The following RARB variants were observed in gnomAD, a reference collection of about 807,000 sequenced individuals.
The protein encoded by RARB is HBV-activated protein.
Under a neutral mutation model 51.9 loss-of-function variants are expected in RARB, and 17 were observed. The observed-to-expected ratio is 0.33, with a 90% confidence interval of 0.22 to 0.49. The LOEUF is 0.49. Among genes scored for constraint, RARB ranks in the 20% least tolerant of loss-of-function variants. The pLI is 0.99. For synonymous variants in RARB, 215 were observed against 195.4 expected (o/e 1.10, Z -0.84); for missense variants, 369 against 550.8 (o/e 0.67, Z 3.30).
At chr3:25,463,477 A>G (rs1442925943) in intron 2 of RARB, among the ~76,000 whole-genome samples, 1 of 152,112 alleles carries the variant, frequency 6.6e-6, no homozygotes, top group African/African-American at 2.4e-5. Context: ...ATTCTGGCCA[A>G]AATGGTGAAA....
At chr3:25,054,007 G>T (rs1215709714) in intron 2 of RARB, among the ~76,000 whole-genome samples, 1 of 152,160 alleles carries the variant, frequency 6.6e-6, no homozygotes, top group Admixed American at 6.5e-5. Context: ...GCAGGTCATT[G>T]TCCTTGCTCT....
chr3:25,063,775 A>C (rs13327067), intron 3 of RARB, among the ~76,000 whole-genome samples: 15,454 of 151,442 alleles, frequency 0.1, 862 homozygotes, highest in African/African-American at 0.15. Flanking sequence ...GCACAGGGTT[A>C]CCACGGGTTA....
intron 5 of RARB, among the ~76,000 whole-genome samples, chr3:25,312,996 T>A (rs1340641488): frequency 1.3e-5 from 2 of 152,256 alleles, no homozygotes; most frequent in Non-Finnish European, 2.9e-5. Flanking sequence ...TCTTCAAGTC[T>A]GGAGGCAGCA....
At position 25,319,824 on chromosome 3, in the gene RARB, T is replaced by G. The variant is rs186739007; in HGVS notation, c.179-141369T>G. 3.3e-5 allele frequency among the ~76,000 whole-genome samples: 5 copies of G among 152,296 alleles called. No individual in the cohort carries two copies. In the East Asian group the frequency reaches 9.7e-4, roughly 29 times the overall value. On this transcript the variant is annotated intron_variant, in intron 5 of 11. Transcript: ENST00000383772. Reference sequence around the variant, plus strand: ...TACTGTGTGAGTTGCAGACAGACATTTATTGATTCAGGATATACTCTCAGT... The same window carrying G: ...TACTGTGTGAGTTGCAGACAGACATGTATTGATTCAGGATATACTCTCAGT...
intron 2 of RARB, among the ~76,000 whole-genome samples, chr3:25,468,620 GT>G (rs1695550519): frequency 6.6e-6 from 1 of 152,030 alleles, no homozygotes; most frequent in Non-Finnish European, 1.5e-5. Context: ...GTGTGTTATG[GT>G]CTAGAGTGGG....
At chr3:25,446,423 A>G (rs6795711) in intron 1 of RARB, among the ~76,000 whole-genome samples, 11,405 of 152,306 alleles carry the variant, frequency 0.075, 601 homozygotes, top group East Asian at 0.29. Flanking sequence ...GCAGAGTTGA[A>G]TGACTGTGAC....
intron 2 of RARB, among the ~76,000 whole-genome samples, chr3:24,896,812 C>T (rs1253634334): frequency 1.3e-5 from 2 of 152,114 alleles, no homozygotes; most frequent in Non-Finnish European, 2.9e-5. Flanking sequence ...GTATAGTCTC[C>T]TACAATGGAA....
At chr3:25,158,538 G>A (rs1259190858) in intron 4 of RARB, among the ~76,000 whole-genome samples, 2 of 151,858 alleles carry the variant, frequency 1.3e-5, no homozygotes, top group Non-Finnish European at 2.9e-5. Context: ...GGGGGGAGGT[G>A]GTAACTCTTC....
At chr3:25,212,566 T>C (rs945783797) in intron 5 of RARB, among the ~76,000 whole-genome samples, 1 of 152,184 alleles carries the variant, frequency 6.6e-6, no homozygotes, top group Admixed American at 6.5e-5. Flanking sequence ...TGCAGTGAGC[T>C]GAGATCGCAC....
At chr3:24,889,794 A>G (rs1703342592) in intron 2 of RARB, among the ~76,000 whole-genome samples, 1 of 151,622 alleles carries the variant, frequency 6.6e-6, no homozygotes, top group Admixed American at 6.6e-5. Context: ...ATACTTTGAA[A>G]TGTGGTCCAA....
intron 2 of RARB, among the ~76,000 whole-genome samples, chr3:24,867,257 T>C (rs1301949670): frequency 2.0e-5 from 3 of 152,166 alleles, no homozygotes; most frequent in African/African-American, 7.2e-5. Context: ...GGAGGGGCTA[T>C]TATCATTTAA....
chr3:25,069,837 G>A (rs1336622641), intron 3 of RARB, among the ~76,000 whole-genome samples: 1 of 152,178 alleles, frequency 6.6e-6, no homozygotes, highest in African/African-American at 2.4e-5. Flanking sequence ...ACATTATGTG[G>A]TGTGGCCTCC....
chr3:24,914,095 A>G (rs1450766478), intron 2 of RARB, among the ~76,000 whole-genome samples: 1 of 152,248 alleles, frequency 6.6e-6, no homozygotes, highest in African/African-American at 2.4e-5. Context: ...AAGCAGCATT[A>G]GAAAGAGAAA....
chr3:25,472,139 A>T (rs556861706), intron 2 of RARB, among the ~76,000 whole-genome samples: 1 of 152,370 alleles, frequency 6.6e-6, no homozygotes, highest in South Asian at 2.1e-4. Flanking sequence ...AGTAAAAGTA[A>T]ACCCCCACAA....
chr3:25,179,677 TA>T (rs918089739), intron 5 of RARB, among the ~76,000 whole-genome samples: 5 of 152,210 alleles, frequency 3.3e-5, no homozygotes, highest in Non-Finnish European at 7.3e-5. Flanking sequence ...AAATAGAGTT[TA>T]TACTGTTGAC....
intron 5 of RARB, among the ~76,000 whole-genome samples, chr3:25,266,507 T>C (rs1403635269): frequency 6.6e-6 from 1 of 152,228 alleles, no homozygotes; most frequent in Non-Finnish European, 1.5e-5. Flanking sequence ...TTAAAATTTA[T>C]GGTCTCTGTA....
chr3:25,594,028 T>A, intron 6 of RARB, among the ~76,000 whole-genome samples: 1 of 152,188 alleles, frequency 6.6e-6, no homozygotes, highest in East Asian at 1.9e-4. Context: ...GGGACTTGTA[T>A]GTGCTGTTTG....
intron 2 of RARB, among the ~76,000 whole-genome samples, chr3:24,955,831 C>T (rs1167495843): frequency 2.0e-5 from 3 of 151,954 alleles, no homozygotes; most frequent in South Asian, 2.1e-4. Context: ...TAAAGGTGGT[C>T]GTCTTATGTA....
At position 25,140,637 on chromosome 3, in the gene RARB, T is replaced by C. The variant is rs993895130; in HGVS notation, c.-280+8429T>C. Reference sequence around the variant, plus strand: ...CATTTAGAATATTCCATAAACTTAGTTGATAAAGCAATAGCAGAGGTTGAA... The same window carrying C: ...CATTTAGAATATTCCATAAACTTAGCTGATAAAGCAATAGCAGAGGTTGAA... On this transcript the variant is annotated intron_variant, in intron 4 of 11. Transcript: ENST00000383772. Among the ~76,000 whole-genome samples the C allele has an allele frequency of 5.0e-4, 76 of 152,212 alleles. 2 individuals are homozygous for C. The highest frequency in any genetic ancestry group is 2.7e-4 in the African/African-American group (11 of 41,458).
Sources: gnomAD v4.1 joint callset for allele counts (sites outside exome capture counted in the v4.1 genomes callset) on GRCh38, gnomAD v4.1.1 for gene constraint, MANE v1.5 for transcripts, NCBI Gene and HGNC (gene_info 2026-07-23, HGNC 2026-07-21) for gene names.